The following ANK2 variants were observed in gnomAD, a reference collection of about 807,000 sequenced individuals.
ANK2 encodes ankyrin 2.
Under a neutral mutation model 360.5 loss-of-function variants are expected in ANK2, and 83 were observed. The ratio of observed to expected loss-of-function variants is 0.23; its 90% CI spans 0.19 to 0.28. The LOEUF is 0.28. Among genes scored for constraint, ANK2 ranks in the 10% least tolerant of loss-of-function variants. The probability of loss-of-function intolerance (pLI) is 1.00; values close to 1 mark genes in which losing one functional copy is unlikely to be tolerated. For missense variants in ANK2, 4,201 were observed against 4,795.7 expected (o/e 0.88, Z 3.66); for synonymous variants, 1,740 against 1,759.5 (o/e 0.99, Z 0.28).
At chr4:112,985,328 C>A (rs1211871159) in intron 2 of ANK2, among the ~76,000 whole-genome samples, 1 of 152,200 alleles carries the variant, frequency 6.6e-6, no homozygotes, top group Admixed American at 6.5e-5. Flanking sequence ...CAACACCCAC[C>A]TACACCAACA....
At position 113,375,203 on chromosome 4, in the gene ANK2, T is replaced by C. The variant is rs551329476; in HGVS notation, c.11859+1754T>C. Among the ~76,000 whole-genome samples, 57 of 152,272 alleles carry C rather than the reference T, an allele frequency of 3.7e-4. 1 individual carries two copies. The highest frequency in any genetic ancestry group is 1.3e-3 in the African/African-American group (54 of 41,556). ...TGCTTCTGCTGAATCAGACTCAGAA[T>C]CTCTGGAGCTGGTATATGATTATAC... is the stretch of plus-strand genomic sequence containing the variant. On this transcript the variant is annotated intron_variant, in intron 45 of 45. Coordinates refer to ENST00000357077, the MANE Select transcript of ANK2 (RefSeq NM_001148.6).
chr4:113,322,656 T>C (rs2086934786), intron 26 of ANK2, among the ~76,000 whole-genome samples: 1 of 152,208 alleles, frequency 6.6e-6, no homozygotes, highest in African/African-American at 2.4e-5. Flanking sequence ...AGTCATACAT[T>C]AACTGGAGGT....
chr4:113,366,738 T>TA (rs1292233104), intron 41 of ANK2, among the ~76,000 whole-genome samples: 1 of 152,214 alleles, frequency 6.6e-6, no homozygotes, highest in African/African-American at 2.4e-5. Flanking sequence ...CAAGTCTATT[T>TA]AAAATACTAG....
chr4:113,035,404 T>C (rs1356094300), intron 2 of ANK2, among the ~76,000 whole-genome samples: 1 of 151,770 alleles, frequency 6.6e-6, no homozygotes, highest in African/African-American at 2.4e-5. Flanking sequence ...TTTAGGGAGA[T>C]GAAAGAAAAG....
intron 1 of ANK2, among the ~76,000 whole-genome samples, chr4:113,126,530 C>T (rs1309603270): frequency 6.6e-6 from 1 of 152,104 alleles, no homozygotes; most frequent in Non-Finnish European, 1.5e-5. Flanking sequence ...ACAGAGGTTA[C>T]TTAGGAAATG....
At chr4:113,174,631 A>T (rs2098123426) in intron 2 of ANK2, 114 bp downstream of exon 2, 1 of 873,352 alleles carries the variant, frequency 1.1e-6, no homozygotes, top group African/African-American at 1.7e-5. Flanking sequence ...AGTGACTCAG[A>T]CTTCTGAAAT....
At chr4:112,912,851 A>C (rs1398341372) in intron 2 of ANK2, among the ~76,000 whole-genome samples, 2 of 151,976 alleles carry the variant, frequency 1.3e-5, no homozygotes, top group Non-Finnish European at 2.9e-5. Flanking sequence ...ATGTCTTTAA[A>C]ATAAATAAAT....
intron 1 of ANK2, among the ~76,000 whole-genome samples, chr4:113,089,702 C>A (rs1347668359): frequency 6.6e-6 from 1 of 151,948 alleles, no homozygotes; most frequent in South Asian, 2.1e-4. Flanking sequence ...GTGCATGCCA[C>A]CATCCCAGCT....
At chr4:113,218,893 G>A (rs362487) in intron 4 of ANK2, among the ~76,000 whole-genome samples, 4,239 of 152,182 alleles carry the variant, frequency 0.028, 96 homozygotes, top group East Asian at 0.067. Context: ...ACAATAACCA[G>A]TTAAGTTAAT....
intron 2 of ANK2, among the ~76,000 whole-genome samples, chr4:113,040,460 A>G (rs1414913612): frequency 6.6e-6 from 1 of 152,036 alleles, no homozygotes; most frequent in Non-Finnish European, 1.5e-5. Flanking sequence ...TAAAGCGAAA[A>G]CAAGCAGGTC....
intron 2 of ANK2, among the ~76,000 whole-genome samples, chr4:112,995,842 G>A (rs2048327184): frequency 6.6e-6 from 1 of 152,118 alleles, no homozygotes. Flanking sequence ...TGCTTTTATG[G>A]AATGTTGATG....
chr4:113,230,980 T>A (rs2099288742), intron 4 of ANK2, among the ~76,000 whole-genome samples: 1 of 152,002 alleles, frequency 6.6e-6, no homozygotes, highest in African/African-American at 2.4e-5. Flanking sequence ...AAAAACAATA[T>A]AAAGATGTTC....
In ANK2 at chr4:113,381,620, T is replaced by G; in HGVS notation, c.*149T>G. On this transcript the variant is annotated 3_prime_UTR_variant, in exon 46 of 46. Transcript: ENST00000357077. ...CCTTCGGCATTTCTGCAAGGAGGAC[T>G]TGAAGCAAGAGGCCAAGTGAGGGGC... The G allele has an allele frequency of 6.4e-7, 1 of 1,559,408 alleles. No individual in the cohort carries two copies. The highest frequency in any genetic ancestry group is 8.7e-7 in the Non-Finnish European group (1 of 1,150,902).
chr4:113,036,424 A>G (rs2154308608), intron 2 of ANK2, among the ~76,000 whole-genome samples: 1 of 152,100 alleles, frequency 6.6e-6, no homozygotes, highest in South Asian at 2.1e-4. Flanking sequence ...TCCTGTTGTC[A>G]GTTAAGGACA....
At chr4:112,766,087 C>G in the ANK2 span, among the ~76,000 whole-genome samples, 1 of 152,122 alleles carries the variant, frequency 6.6e-6, no homozygotes, top group South Asian at 2.1e-4. Flanking sequence ...GTAATTCCAG[C>G]ACTTTGGGAG....
intron 7 of ANK2, 109 bp from the exon 8 acceptor site, chr4:113,240,376 T>G (rs1385000774): frequency 1.4e-5 from 11 of 792,762 alleles, no homozygotes; most frequent in Non-Finnish European, 2.2e-5. Context: ...CATTTATTAT[T>G]GCTTATATAT....
intron 2 of ANK2, among the ~76,000 whole-genome samples, chr4:113,029,333 C>T (rs1025093921): frequency 6.6e-6 from 1 of 152,010 alleles, no homozygotes. Context: ...CTCCTGGGCT[C>T]AAGCAATTCT....
chr4:112,850,952 T>C (rs1007566147), intron 1 of ANK2, among the ~76,000 whole-genome samples: 1 of 152,186 alleles, frequency 6.6e-6, no homozygotes, highest in Non-Finnish European at 1.5e-5. Flanking sequence ...CTGATGTATA[T>C]GTTGATACTT....
chr4:112,897,606 A>T (rs1387703761), intron 1 of ANK2, among the ~76,000 whole-genome samples: 1 of 150,904 alleles, frequency 6.6e-6, no homozygotes, highest in African/African-American at 2.5e-5. Flanking sequence ...TAGCCCTAAA[A>T]ATATCCATGG....
Sources: gnomAD v4.1 joint callset for allele counts (sites outside exome capture counted in the v4.1 genomes callset) on GRCh38, gnomAD v4.1.1 for gene constraint, MANE v1.5 for transcripts, NCBI Gene and HGNC (gene_info 2026-07-23, HGNC 2026-07-21) for gene names.